Variants in PARK7 observed in about 807,000 individuals in gnomAD.
PARK7 encodes the protein Parkinson disease protein 7.
In PARK7, 14 loss-of-function variants were observed where a neutral mutation model predicts 20.5. The ratio of observed to expected loss-of-function variants is 0.68; its 90% CI spans 0.45 to 1.07. The LOEUF (loss-of-function observed/expected upper bound fraction) is 1.07. Ranked by LOEUF, PARK7 falls within the 50% of genes least tolerant of loss-of-function variation. PARK7 has a pLI of 0.00. For synonymous variants in PARK7, 98 were observed against 84.3 expected (o/e 1.16, Z -0.89); for missense variants, 234 against 238.1 (o/e 0.98, Z 0.11).
intron 4 of PARK7, 115 bp downstream of exon 4, chr1:7,969,519 G>A (rs1230216996): frequency 2.5e-6 from 2 of 799,160 alleles, no homozygotes; most frequent in Admixed American, 2.5e-5. Context: ...ATTTCGGGAG[G>A]AGGCTGTGAA....
rs545359087 is a variant in PARK7 at position 7,963,324 on chromosome 1, C to G, written c.90+449C>G. On this transcript the variant is annotated intron_variant, in intron 2 of 6. Coordinates refer to ENST00000338639, the MANE Select transcript of PARK7 (RefSeq NM_007262.5). Reference sequence around the variant, plus strand: ...AGTTGTCCACCCGCCTCAGGCCTCCCAAAGTGTTAGGACTACAGGCGTGAG... The same window carrying G: ...AGTTGTCCACCCGCCTCAGGCCTCCGAAAGTGTTAGGACTACAGGCGTGAG... Among the ~76,000 whole-genome samples the G allele has an allele frequency of 9.5e-4, 144 of 152,154 alleles. 2 individuals carry two copies. The South Asian group carries it at 0.012, about 12-fold the overall frequency.
In PARK7 at chr1:7,985,089, G is replaced by C. The variant is rs777064688; in HGVS notation, c.*35G>C. 4 of 1,606,332 alleles carry C rather than the reference G, an allele frequency of 2.5e-6. No individual in the cohort carries two copies. The Admixed American group carries it at 5.1e-5, about 21-fold the overall frequency. ...CTGCGACGATCACTTAGAGAAACAGGCCGTTAGGAATCCATTCTCACTGTG... is the reference window on the plus strand; with the variant it reads ...CTGCGACGATCACTTAGAGAAACAGCCCGTTAGGAATCCATTCTCACTGTG... On this transcript the variant is annotated 3_prime_UTR_variant, in exon 7 of 7. Coordinates refer to ENST00000338639, the MANE Select transcript of PARK7 (RefSeq NM_007262.5).
At chr1:7,963,395 T>C (rs1199467913) in intron 2 of PARK7, among the ~76,000 whole-genome samples, 1 of 151,392 alleles carries the variant, frequency 6.6e-6, no homozygotes, top group South Asian at 2.1e-4. Context: ...TCTTTTTTTT[T>C]TTTTTTGAGA....
intron 3 of PARK7, among the ~76,000 whole-genome samples, chr1:7,965,838 C>T (rs1372499919): frequency 1.3e-5 from 2 of 152,078 alleles, no homozygotes; most frequent in African/African-American, 2.4e-5. Flanking sequence ...GAGGAATGGT[C>T]CCACTCTCTC....
chr1:7,971,503 A>C (rs1310274269), intron 5 of PARK7: 1 of 157,756 alleles, frequency 6.3e-6, no homozygotes, highest in Non-Finnish European at 1.4e-5. Flanking sequence ...TTTGTACCTT[A>C]GTAATATTTT....
chr1:7,971,067 A>G, intron 5 of PARK7, 104 bp downstream of exon 5: 1 of 1,231,904 alleles, frequency 8.1e-7, no homozygotes, highest in African/African-American at 1.5e-5. Flanking sequence ...TAAAGCATGC[A>G]GGGCATCTGT....
rs2641116 is a variant in PARK7 at position 7,969,434 on chromosome 1, T to G, written c.252+30T>G. 294,668 of 910,904 alleles carry G rather than the reference T, an allele frequency of 0.32. 39,439 individuals carry two copies. The highest frequency in any genetic ancestry group is 0.67 in the East Asian group (27,009 of 40,304). The allele number at this position is 910,904 out of a possible 1,614,324, so 56.4% of individuals were successfully genotyped here. A position where few individuals can be genotyped will look rare whatever the true frequency, so the allele number is the denominator to read the frequency against. ...AAAATTCTACTCAATTATACCTCAA[T>G]AAAGCTGGGGGGGGGGAAAAACTAA... On this transcript the variant is annotated intron_variant, in intron 4 of 6. Transcript: ENST00000338639.
rs1218171937 is a variant in PARK7 at position 7,974,135 on chromosome 1, C to CCCA, written c.322+3174_322+3175insACC. Among the ~76,000 whole-genome samples the CCCA allele has an allele frequency of 2.9e-4, 22 of 75,624 alleles. 1 individual carries two copies. The highest frequency in any genetic ancestry group is 8.0e-4 in the Non-Finnish European group (21 of 26,406). 49.6% of individuals were successfully genotyped at this position (75,624 alleles called of 152,430 possible). ...GACCAGCCTGGGCAACATAGTGAGA[C>CCCA]CCCCCCACCGACCTCTACAAAAAAA... is the stretch of plus-strand genomic sequence containing the variant. On this transcript the variant is annotated intron_variant, in intron 5 of 6. Coordinates refer to ENST00000338639, the MANE Select transcript of PARK7 (RefSeq NM_007262.5).
intron 6 of PARK7, among the ~76,000 whole-genome samples, chr1:7,981,942 G>A (rs1214838277): frequency 6.9e-6 from 1 of 145,770 alleles, no homozygotes; most frequent in Non-Finnish European, 1.5e-5. Flanking sequence ...ACAGGCGTGA[G>A]CCACTATGCC....
At chr1:7,982,493 A>G (rs879450938) in intron 6 of PARK7, among the ~76,000 whole-genome samples, 2 of 152,220 alleles carry the variant, frequency 1.3e-5, no homozygotes, top group African/African-American at 2.4e-5. Context: ...AGGTGGAGGC[A>G]GTTGGTAACC....
chr1:7,973,620 A>C (rs964152815), intron 5 of PARK7, among the ~76,000 whole-genome samples: 1 of 151,824 alleles, frequency 6.6e-6, no homozygotes, highest in Admixed American at 6.6e-5. Context: ...AGGCTGAGGC[A>C]GGAGAATCGC....
chr1:7,967,685 G>A (rs1262804537), intron 3 of PARK7, among the ~76,000 whole-genome samples: 1 of 152,152 alleles, frequency 6.6e-6, no homozygotes, highest in African/African-American at 2.4e-5. Context: ...TTGTGAGGCT[G>A]AGGCAGGAGG....
chr1:7,969,732 C>A (rs899657627), intron 4 of PARK7, among the ~76,000 whole-genome samples: 3 of 151,958 alleles, frequency 2.0e-5, no homozygotes, highest in Non-Finnish European at 2.9e-5. Flanking sequence ...GGCATGCACC[C>A]CCATGCCCTG....
At chr1:7,969,751 T>C (rs1640418655) in intron 4 of PARK7, among the ~76,000 whole-genome samples, 1 of 152,188 alleles carries the variant, frequency 6.6e-6, no homozygotes, top group South Asian at 2.1e-4. Context: ...TGCTAATTTT[T>C]ATATTTTTAT....
At chr1:7,970,755 T>C (rs2151432261) in intron 4 of PARK7, 139 bp from the exon 5 acceptor site, 2 of 802,464 alleles carry the variant, frequency 2.5e-6, no homozygotes, top group Non-Finnish European at 4.2e-6. Context: ...TTTATACCAA[T>C]GATTTAGAAA....
At chr1:7,975,494 C>T (rs939357111) in intron 5 of PARK7, among the ~76,000 whole-genome samples, 1 of 152,170 alleles carries the variant, frequency 6.6e-6, no homozygotes, top group Non-Finnish European at 1.5e-5. Context: ...TCAGCTGCGC[C>T]CTCTGCACTG....
intron 6 of PARK7, among the ~76,000 whole-genome samples, chr1:7,983,538 CCTT>C (rs529966119): frequency 3.3e-4 from 51 of 152,366 alleles, no homozygotes; most frequent in East Asian, 1.2e-3. Flanking sequence ...CTTTCCATCT[CCTT>C]CTGGTCCCAG....
chr1:7,968,831 T>C (rs1640388512), intron 3 of PARK7, among the ~76,000 whole-genome samples: 2 of 152,214 alleles, frequency 1.3e-5, no homozygotes, highest in Non-Finnish European at 2.9e-5. Flanking sequence ...TTTCTATTAA[T>C]TTTTTAAGTT....
At chr1:7,973,180 C>T (rs1024143838) in intron 5 of PARK7, among the ~76,000 whole-genome samples, 2 of 152,224 alleles carry the variant, frequency 1.3e-5, no homozygotes, top group Non-Finnish European at 2.9e-5. Flanking sequence ...AGGTTGACCA[C>T]CCTGGCAGGT....
Sources: allele counts gnomAD v4.1 joint callset (sites outside exome capture counted in the v4.1 genomes callset), GRCh38; gene constraint gnomAD v4.1.1; transcripts MANE v1.5; gene names NCBI Gene and HGNC (gene_info 2026-07-23, HGNC 2026-07-21).